GRID2: variants seen among roughly 807,000 people sequenced by gnomAD.
GRID2 encodes the protein glutamate ionotropic receptor delta type subunit 2.
A neutral mutation model predicts 114.8 loss-of-function variants in GRID2; 33 were observed. That is an observed-to-expected ratio of 0.29 (90% confidence interval 0.22 to 0.38). The LOEUF is 0.38. Ranked by LOEUF, GRID2 falls within the 10% of genes least tolerant of loss-of-function variation. The pLI is 1.00. For missense variants in GRID2, 1,184 were observed against 1,257.7 expected (o/e 0.94, Z 0.89); for synonymous variants, 505 against 449.9 (o/e 1.12, Z -1.55).
chr4:93,369,112 G>C (rs1762625251), intron 8 of GRID2, among the ~76,000 whole-genome samples: 2 of 152,136 alleles, frequency 1.3e-5, no homozygotes, highest in South Asian at 4.1e-4. Context: ...AAGTTCACAA[G>C]CAAGGTATCA....
At chr4:93,316,742 T>G (rs1282439194) in intron 8 of GRID2, among the ~76,000 whole-genome samples, 1 of 152,188 alleles carries the variant, frequency 6.6e-6, no homozygotes, top group African/African-American at 2.4e-5. Context: ...GTATTTCAGA[T>G]TTGAAAGGAG....
At chr4:92,905,157 T>G (rs1747852708) in intron 2 of GRID2, among the ~76,000 whole-genome samples, 1 of 152,058 alleles carries the variant, frequency 6.6e-6, no homozygotes. Context: ...ACAAAAATTT[T>G]CAATGGTACT....
chr4:93,721,942 G>T (rs1245297491), intron 14 of GRID2, among the ~76,000 whole-genome samples: 2 of 139,522 alleles, frequency 1.4e-5, no homozygotes, highest in Admixed American at 1.5e-4. Flanking sequence ...TTTTTGAGAC[G>T]GAATCTTGCT....
intron 1 of GRID2, among the ~76,000 whole-genome samples, chr4:92,320,774 A>G (rs527854631): frequency 1.3e-5 from 2 of 152,112 alleles, no homozygotes; most frequent in African/African-American, 4.8e-5. Context: ...CACCACCCCC[A>G]GCTGATATTA....
chr4:92,604,047 G>C (rs990837294), intron 2 of GRID2, among the ~76,000 whole-genome samples: 13 of 152,110 alleles, frequency 8.5e-5, no homozygotes, highest in African/African-American at 3.1e-4. Context: ...AACAGATGCT[G>C]GTGTGACTGT....
intron 2 of GRID2, among the ~76,000 whole-genome samples, chr4:92,666,650 GTT>G (rs70942922): frequency 0.023 from 1,589 of 68,586 alleles, 15 homozygotes; most frequent in Middle Eastern, 0.074. Context: ...CTTAAGGGTT[GTT>G]TTTTTTTTTT....
At chr4:92,784,179 TC>T (rs1431129528) in intron 2 of GRID2, among the ~76,000 whole-genome samples, 2 of 152,090 alleles carry the variant, frequency 1.3e-5, no homozygotes. Context: ...AAGATACTGC[TC>T]TTTTTATCAT....
intron 1 of GRID2, among the ~76,000 whole-genome samples, chr4:92,321,225 T>G (rs193154486): frequency 1.1e-4 from 16 of 152,272 alleles, no homozygotes; most frequent in Admixed American, 5.9e-4. Flanking sequence ...AGGAATCTTG[T>G]TGGGACTTCG....
At chr4:93,369,930 T>G (rs1579849427) in intron 8 of GRID2, among the ~76,000 whole-genome samples, 1 of 152,170 alleles carries the variant, frequency 6.6e-6, no homozygotes, top group African/African-American at 2.4e-5. Context: ...AAAATGTGAT[T>G]AATTATTTGT....
At chr4:92,683,369 TATG>T (rs1318553118) in intron 2 of GRID2, among the ~76,000 whole-genome samples, 1 of 152,062 alleles carries the variant, frequency 6.6e-6, no homozygotes, top group Non-Finnish European at 1.5e-5. Flanking sequence ...AATCAACAAA[TATG>T]AGCATATCAG....
intron 1 of GRID2, among the ~76,000 whole-genome samples, chr4:92,351,296 A>G (rs1728057413): frequency 6.6e-6 from 1 of 151,856 alleles, no homozygotes; most frequent in East Asian, 1.9e-4. Flanking sequence ...TCTACAAGCA[A>G]TGTATGAATG....
intron 2 of GRID2, among the ~76,000 whole-genome samples, chr4:92,625,291 G>A (rs552094443): frequency 1.3e-5 from 2 of 151,710 alleles, no homozygotes; most frequent in Admixed American, 6.6e-5. Flanking sequence ...TTGTCTAATA[G>A]GATTGTGCTA....
chr4:92,981,662 A>G (rs1265568824), intron 2 of GRID2, among the ~76,000 whole-genome samples: 1 of 151,946 alleles, frequency 6.6e-6, no homozygotes, highest in Non-Finnish European at 1.5e-5. Context: ...TGTGGGAACA[A>G]TTACTGTTGG....
chr4:93,751,818 G>A (rs894268603), intron 14 of GRID2, among the ~76,000 whole-genome samples: 3 of 152,032 alleles, frequency 2.0e-5, no homozygotes, highest in Non-Finnish European at 4.4e-5. Context: ...CCTGTAACCC[G>A]GCTTGCCCTC....
At chr4:92,746,067 C>G (rs1421281537) in intron 2 of GRID2, among the ~76,000 whole-genome samples, 1 of 152,074 alleles carries the variant, frequency 6.6e-6, no homozygotes, top group Admixed American at 6.5e-5. Context: ...CACTTTTTAA[C>G]TCCTGTAGAT....
intron 1 of GRID2, among the ~76,000 whole-genome samples, chr4:92,536,727 C>G (rs942547906): frequency 6.6e-6 from 1 of 152,098 alleles, no homozygotes; most frequent in Non-Finnish European, 1.5e-5. Flanking sequence ...TTATATGCCT[C>G]TTGCTCACCA....
intron 1 of GRID2, among the ~76,000 whole-genome samples, chr4:93,790,351 C>T (rs1422040399): frequency 3.9e-5 from 6 of 152,050 alleles, no homozygotes; most frequent in East Asian, 1.9e-4. Flanking sequence ...TTCAATATAT[C>T]TACAATGATT....
chr4:93,387,589 G>T (rs539816346), intron 8 of GRID2, among the ~76,000 whole-genome samples: 87 of 152,174 alleles, frequency 5.7e-4, no homozygotes, highest in Middle Eastern at 3.4e-3. Context: ...CAGCACTTTG[G>T]GAGGCCAAGG....
At chr4:93,052,941 T>A (rs904387941) in intron 2 of GRID2, among the ~76,000 whole-genome samples, 1 of 151,900 alleles carries the variant, frequency 6.6e-6, no homozygotes, top group Non-Finnish European at 1.5e-5. Flanking sequence ...TAGGGCTGTC[T>A]TAGCAGTGTG....
Sources: allele counts gnomAD v4.1 joint callset (sites outside exome capture counted in the v4.1 genomes callset), GRCh38; gene constraint gnomAD v4.1.1; transcripts MANE v1.5; gene names NCBI Gene and HGNC (gene_info 2026-07-23, HGNC 2026-07-21).